ANAPC5: variants seen among roughly 807,000 people sequenced by gnomAD.
ANAPC5 encodes the protein anaphase-promoting complex subunit 5.
Under a neutral mutation model 91.3 loss-of-function variants are expected in ANAPC5, and 60 were observed. The observed-to-expected ratio is 0.66, with a 90% CI of 0.53 to 0.81. The LOEUF (loss-of-function observed/expected upper bound fraction) is 0.81, where lower values mean the gene tolerates loss of function less well. Ranked by LOEUF, ANAPC5 falls within the 40% of genes least tolerant of loss-of-function variation. The pLI is 0.00. For synonymous variants in ANAPC5, 340 were observed against 364.1 expected (o/e 0.93, Z 0.75); for missense variants, 690 against 931.5 (o/e 0.74, Z 3.37).
intron 6 of ANAPC5, among the ~76,000 whole-genome samples, 157 bp downstream of exon 6, chr12:121,337,134 C>G (rs140423985): frequency 1.3e-5 from 2 of 152,320 alleles, no homozygotes; most frequent in African/African-American, 2.4e-5. Context: ...AGGAGAATCA[C>G]TTGAACCAGG....
Position 121,345,893 on chromosome 12 carries a change from C to G in ANAPC5, c.536G>C (p.Ser179Thr). ...TVEDADMELT[S>T]RDEGERKMEK... is the part of the protein sequence containing the mutation. The stretch of plus-strand genomic sequence containing the variant: ...CATTTTTCTTTCACCCTCATCTCTA[C>G]TGGTCAGTTCCATATCAGCATCCTC... The change falls in exon 4 of 17, where the codon AGT becomes ACT. Residue 179 changes from serine (S) to threonine (T), a missense_variant. Physicochemically the swap from Ser to Thr is moderately conservative, Grantham distance 58 (BLOSUM62 1). Around this residue, in one of 5 missense-constraint regions of ANAPC5, gnomAD observed 238 missense variants for 264.9 expected, o/e 0.90. Coordinates refer to ENST00000261819, the MANE Select transcript of ANAPC5 (RefSeq NM_016237.5). The G allele has an allele frequency of 1.2e-6, 2 of 1,614,190 alleles. No homozygotes were observed. Among genetic ancestry groups the G allele is most frequent in the Non-Finnish European group, 8.5e-7 (1 of 1,180,030 alleles).
chr12:121,343,863 G>GT (rs1555274354), intron 4 of ANAPC5, among the ~76,000 whole-genome samples: 1 of 152,134 alleles, frequency 6.6e-6, no homozygotes, highest in Non-Finnish European at 1.5e-5. Context: ...TCTGGACAGT[G>GT]TATCTGTTTA....
rs1555275312 is a variant in ANAPC5, at chr12:121,351,210, A to G, written c.207+924T>C. On this transcript the variant is annotated intron_variant, in intron 1 of 16. Coordinates refer to ENST00000261819, the MANE Select transcript of ANAPC5 (RefSeq NM_016237.5). The stretch of plus-strand genomic sequence containing the variant: ...ACATGGCAAAATCCCGTCTCTACAA[A>G]AAATGCAAAAAAATTAGCTGGGCGT... 3 of 365,528 alleles carry G rather than the reference A, an allele frequency of 8.2e-6. No individual in the cohort carries two copies. The East Asian group carries it at 2.6e-4, about 32-fold the overall frequency. 22.6% of individuals were successfully genotyped at this position (365,528 alleles called of 1,614,324 possible).
intron 9 of ANAPC5, among the ~76,000 whole-genome samples, chr12:121,329,343 G>A (rs1364812970): frequency 2.0e-5 from 3 of 152,036 alleles, no homozygotes; most frequent in Admixed American, 6.6e-5. Context: ...TAGTAGAGAC[G>A]AGCTTTTACC....
intron 1 of ANAPC5, among the ~76,000 whole-genome samples, chr12:121,349,249 A>G (rs1264867543): frequency 1.3e-5 from 2 of 152,188 alleles, no homozygotes; most frequent in African/African-American, 2.4e-5. Flanking sequence ...TGAACTCTAC[A>G]TACATTTTGA....
At chr12:121,312,974 G>A (rs751761912) in intron 15 of ANAPC5, among the ~76,000 whole-genome samples, 14 of 151,994 alleles carry the variant, frequency 9.2e-5, no homozygotes, top group Non-Finnish European at 1.8e-4. Flanking sequence ...AACTGTAAAG[G>A]CCTACATTAC....
chr12:121,346,786 C>T, intron 3 of ANAPC5, 110 bp downstream of exon 3: 2 of 571,218 alleles, frequency 3.5e-6, no homozygotes, highest in Non-Finnish European at 5.8e-6. Context: ...ACACCTCCAA[C>T]ATCCCCACTG....
intron 5 of ANAPC5, among the ~76,000 whole-genome samples, chr12:121,340,495 T>A (rs1422424142): frequency 6.6e-6 from 1 of 152,056 alleles, no homozygotes; most frequent in East Asian, 1.9e-4. Context: ...AGACAGGTTT[T>A]TCTAATCTGT....
Position 121,319,961 on chromosome 12 carries a change from A to C in ANAPC5, c.1516-143T>G, listed in dbSNP as rs886634751. On this transcript the variant is annotated intron_variant, in intron 12 of 16. Coordinates refer to ENST00000261819, the MANE Select transcript of ANAPC5 (RefSeq NM_016237.5). Reference sequence around the variant, plus strand: ...TTTTGGGGGGATTTAAAATTTTTTTAAAATATCTCAAGTATGTGAAAAAGC... The same window carrying C: ...TTTTGGGGGGATTTAAAATTTTTTTCAAATATCTCAAGTATGTGAAAAAGC... 1.4e-5 allele frequency: 11 copies of C among 778,918 alleles called. No homozygotes were observed. In the African/African-American group the frequency reaches 2.0e-4, roughly 14 times the overall value. 48.3% of individuals were successfully genotyped at this position (778,918 alleles called of 1,614,324 possible).
chr12:121,319,441 C>T (rs1427273974), intron 13 of ANAPC5, among the ~76,000 whole-genome samples: 1 of 151,790 alleles, frequency 6.6e-6, no homozygotes, highest in Non-Finnish European at 1.5e-5. Context: ...ACCATGTTGG[C>T]CAGGCTGGTC....
chr12:121,328,625 T>C, intron 9 of ANAPC5, 128 bp from the exon 10 acceptor site: 1 of 858,136 alleles, frequency 1.2e-6, no homozygotes, highest in Admixed American at 2.5e-5. Context: ...AAAAGGAAAG[T>C]ACCTATAACC....
intron 5 of ANAPC5, among the ~76,000 whole-genome samples, chr12:121,339,151 T>C (rs923131097): frequency 6.7e-6 from 1 of 150,020 alleles, no homozygotes; most frequent in South Asian, 2.1e-4. Flanking sequence ...ACCTCTCAGG[T>C]TCAAGTGATT....
In ANAPC5 at chr12:121,318,563, A is replaced by G; in HGVS notation, c.1683T>C (p.His561=). 1.2e-6 allele frequency: 2 copies of G among 1,614,154 alleles called. No individual in the cohort carries two copies. The highest frequency in any genetic ancestry group is 1.3e-5 in the African/African-American group (1 of 75,042). ...GAACCAACAATTTTTGTAAAAGCTTATGTGCCTCTGACATTTGGTTCTGAG... is the reference window on the plus strand; with the variant it reads ...GAACCAACAATTTTTGTAAAAGCTTGTGTGCCTCTGACATTTGGTTCTGAG... ...LQAQNQMSEA[H]KLLQKLLVHC... The change falls in exon 14 of 17, where the codon CAT becomes CAC. Residue 561 remains histidine, a synonymous_variant. Transcript: ENST00000261819.
rs141486437 is a variant in ANAPC5, at chr12:121,318,603, G to A, written c.1643C>T (p.Ala548Val). 1.2e-3 allele frequency: 1,952 copies of A among 1,612,934 alleles called. 5 individuals are homozygous for A. Among genetic ancestry groups the A allele is most frequent in the Non-Finnish European group, 1.4e-3 (1,666 of 1,179,106 alleles). The change falls in exon 14 of 17, where the codon GCG becomes GTG. Residue 548 changes from alanine to valine, a missense_variant. Physicochemically the swap from Ala to Val is moderately conservative, Grantham distance 64 (BLOSUM62 0). Around this residue, in one of 5 missense-constraint regions of ANAPC5, gnomAD observed 317 missense variants for 438.7 expected, o/e 0.72. Coordinates refer to ENST00000261819, the MANE Select transcript of ANAPC5 (RefSeq NM_016237.5). ...TTGGTTCTGAGCTTGTAATACAACC[G>A]CTTTCCTGAAACAGAATCAAAATGA... ...LNSIEGVYRK[A>V]VVLQAQNQMS...
chr12:121,352,935 T>A (rs1206622113), upstream of ANAPC5, among the ~76,000 whole-genome samples: 1 of 152,122 alleles, frequency 6.6e-6, no homozygotes, highest in Non-Finnish European at 1.5e-5. Flanking sequence ...TCAAATAGAA[T>A]GTTTAAATGA....
At chr12:121,346,241 C>T (rs999817290) in intron 3 of ANAPC5, 1 of 445,666 alleles carries the variant, frequency 2.2e-6, no homozygotes, top group Non-Finnish European at 4.0e-6. Flanking sequence ...ACAATCTACC[C>T]ACCCCACCTC....
chr12:121,310,026 A>C, intron 15 of ANAPC5, 163 bp from the exon 16 acceptor site: 1 of 543,700 alleles, frequency 1.8e-6, no homozygotes, highest in African/African-American at 1.9e-5. Flanking sequence ...AAAACACAAC[A>C]TGTGACAATC....
intron 9 of ANAPC5, among the ~76,000 whole-genome samples, chr12:121,330,176 A>C (rs1902989111): frequency 6.6e-6 from 1 of 152,174 alleles, no homozygotes; most frequent in Admixed American, 6.5e-5. Flanking sequence ...ATCACTTAAA[A>C]ATGTAAAATC....
chr12:121,330,662 T>A lies in ANAPC5; in HGVS notation c.1043A>T (p.Tyr348Phe). 6.2e-7 allele frequency: 1 copy of A among 1,614,068 alleles called. No individual in the cohort carries two copies. The highest frequency in any genetic ancestry group is 8.5e-7 in the Non-Finnish European group (1 of 1,179,928). The change falls in exon 9 of 17, where the codon TAT becomes TTT. Residue 348 changes from tyrosine to phenylalanine, a missense_variant. This residue lies in a region of ANAPC5 where 36 missense variants were observed against 27.6 expected (regional missense o/e 1.30). Transcript: ENST00000261819. Reference sequence around the variant, plus strand: ...ATCGGATCTCTTCTGCCCCAGCACATAAAGCCAGCTCTGGCAAGAGAAATC... The same window carrying A: ...ATCGGATCTCTTCTGCCCCAGCACAAAAAGCCAGCTCTGGCAAGAGAAATC... ...VCLQHCLSWL[Y>F]VLGQKRSDSY...
Sources: allele counts gnomAD v4.1 joint callset (sites outside exome capture counted in the v4.1 genomes callset), GRCh38; gene constraint gnomAD v4.1.1; regional missense constraint gnomAD v4.1.1; transcripts MANE v1.5; gene names NCBI Gene and HGNC (gene_info 2026-07-23, HGNC 2026-07-21).